MSI2: variants seen among roughly 807,000 people sequenced by gnomAD.
The protein encoded by MSI2 is RNA-binding protein Musashi homolog 2.
Under a neutral mutation model 45.6 loss-of-function variants are expected in MSI2, and 17 were observed. That is an observed-to-expected ratio of 0.37 (90% confidence interval 0.26 to 0.56). The LOEUF (loss-of-function observed/expected upper bound fraction) is 0.56. Ranked by LOEUF, MSI2 falls within the 20% of genes least tolerant of loss-of-function variation. The pLI, the probability that MSI2 is intolerant of heterozygous loss-of-function variation, is 0.77. For missense variants in MSI2, 293 were observed against 444.2 expected (o/e 0.66, Z 3.06); for synonymous variants, 156 against 158.2 (o/e 0.99, Z 0.11).
chr17:57,343,513 T>C (rs903913080), intron 5 of MSI2, among the ~76,000 whole-genome samples: 2 of 152,230 alleles, frequency 1.3e-5, no homozygotes, highest in Non-Finnish European at 1.5e-5. Context: ...ATTGTACGCA[T>C]TGTGACCCTC....
intron 5 of MSI2, among the ~76,000 whole-genome samples, chr17:57,400,912 G>A (rs1231401002): frequency 6.6e-6 from 1 of 152,178 alleles, no homozygotes; most frequent in African/African-American, 2.4e-5. Context: ...GTTGCTTGCA[G>A]ACGTATACCA....
chr17:57,537,489 A>G (rs1598378905), intron 7 of MSI2, among the ~76,000 whole-genome samples: 1 of 152,254 alleles, frequency 6.6e-6, no homozygotes, highest in African/African-American at 2.4e-5. Context: ...TGGTGCAAAC[A>G]TGACCTCGCA....
Position 57,529,609 on chromosome 17 carries a change from G to GT in MSI2, c.406-67_406-66insT, listed in dbSNP as rs2086779939. 7.0e-7 allele frequency: 1 copy of GT among 1,429,664 alleles called. No homozygotes were observed. The highest frequency in any genetic ancestry group is 9.8e-7 in the Non-Finnish European group (1 of 1,017,756). The allele number at this position is 1,429,664 out of a possible 1,614,324, so 88.6% of individuals were successfully genotyped here. ...AAACTACCCCCTCACCCCCCGACAT[G>GT]CATATAATGTTTTGTGTACTTTCTT... On this transcript the variant is annotated intron_variant, in intron 6 of 13. Transcript: ENST00000284073. The surrounding 1 kb of genome is among the most constrained non-coding windows in gnomAD (Gnocchi z 5.3).
At chr17:57,569,394 T>C (rs1386488603) in intron 7 of MSI2, among the ~76,000 whole-genome samples, 2 of 152,202 alleles carry the variant, frequency 1.3e-5, no homozygotes, top group African/African-American at 4.8e-5. Context: ...TGCGGGCAGC[T>C]GTCTTGCTGA....
At chr17:57,584,890 C>T (rs968935104) in intron 7 of MSI2, among the ~76,000 whole-genome samples, 14 of 151,692 alleles carry the variant, frequency 9.2e-5, no homozygotes, top group African/African-American at 1.7e-4. Flanking sequence ...GGCATGATCG[C>T]GGCTCACTGC....
intron 5 of MSI2, among the ~76,000 whole-genome samples, chr17:57,390,969 G>A (rs2083779911): frequency 6.6e-6 from 1 of 152,176 alleles, no homozygotes; most frequent in Non-Finnish European, 1.5e-5. Flanking sequence ...ATCGGGGGTG[G>A]CTATTTACTT....
At chr17:57,327,339 G>T (rs1419503263) in intron 5 of MSI2, among the ~76,000 whole-genome samples, 2 of 152,214 alleles carry the variant, frequency 1.3e-5, no homozygotes, top group African/African-American at 4.8e-5. Flanking sequence ...CTCATCTGAG[G>T]TCACACAGCC....
intron 6 of MSI2, among the ~76,000 whole-genome samples, chr17:57,507,225 C>CTCTGTGTATG (rs1297862205): frequency 3.9e-5 from 2 of 51,250 alleles, no homozygotes; most frequent in African/African-American, 8.5e-5. Context: ...CTTTGTCTCT[C>CTCTGTGTATG]TGTGTGTGTG....
At chr17:57,432,552 C>A (rs1411187475) in intron 6 of MSI2, 1 of 152,496 alleles carries the variant, frequency 6.6e-6, no homozygotes, top group Non-Finnish European at 1.5e-5. Flanking sequence ...GATGTTTATG[C>A]TCATGGCCTC....
At chr17:57,480,862 G>A (rs556131756) in intron 6 of MSI2, among the ~76,000 whole-genome samples, 1 of 152,260 alleles carries the variant, frequency 6.6e-6, no homozygotes, top group African/African-American at 2.4e-5. Context: ...TTGACAAGAA[G>A]GTGACTTTAG....
At chr17:57,469,033 C>T (rs991773757) in intron 6 of MSI2, among the ~76,000 whole-genome samples, 4 of 152,206 alleles carry the variant, frequency 2.6e-5, no homozygotes, top group African/African-American at 7.2e-5. Flanking sequence ...CCGATACCAG[C>T]TCTCACCTTC....
intron 5 of MSI2, among the ~76,000 whole-genome samples, chr17:57,300,185 C>G (rs982589795): frequency 1.3e-5 from 2 of 152,194 alleles, no homozygotes; most frequent in African/African-American, 4.8e-5. Flanking sequence ...TCATTCTCCT[C>G]TAAGGACCAA....
chr17:57,550,808 C>T (rs940304639), intron 7 of MSI2, among the ~76,000 whole-genome samples: 15 of 152,174 alleles, frequency 9.9e-5, no homozygotes, highest in Non-Finnish European at 1.6e-4. Context: ...AAGACCAACA[C>T]GCATAGGCAC....
At chr17:57,527,579 C>CAGCT (rs1245851267) in intron 6 of MSI2, among the ~76,000 whole-genome samples, 1 of 152,224 alleles carries the variant, frequency 6.6e-6, no homozygotes, top group Non-Finnish European at 1.5e-5. Flanking sequence ...AGAGAGGGGG[C>CAGCT]AGCTGCCTGC....
intron 7 of MSI2, among the ~76,000 whole-genome samples, chr17:57,534,997 G>C (rs769207979): frequency 2.6e-5 from 4 of 152,248 alleles, no homozygotes; most frequent in Non-Finnish European, 5.9e-5. Context: ...TTGATCCCAA[G>C]TGGGGCTGGA....
At chr17:57,644,036 C>T (rs543641954) in intron 10 of MSI2, among the ~76,000 whole-genome samples, 2 of 152,298 alleles carry the variant, frequency 1.3e-5, no homozygotes, top group Non-Finnish European at 2.9e-5. Flanking sequence ...ATTGCCCCCC[C>T]AGGCCATACA....
intron 7 of MSI2, among the ~76,000 whole-genome samples, chr17:57,590,193 C>T (rs1475444710): frequency 1.3e-5 from 2 of 152,100 alleles, no homozygotes; most frequent in Non-Finnish European, 2.9e-5. Context: ...TTGATTTTCA[C>T]TGAAGATGCA....
At chr17:57,422,765 G>C (rs1222745647) in intron 6 of MSI2, among the ~76,000 whole-genome samples, 1 of 152,232 alleles carries the variant, frequency 6.6e-6, no homozygotes, top group East Asian at 1.9e-4. Context: ...ATCATCACTT[G>C]ACATTTAAGC....
chr17:57,491,164 C>T (rs1454685158), intron 6 of MSI2, among the ~76,000 whole-genome samples: 1 of 152,228 alleles, frequency 6.6e-6, no homozygotes, highest in Non-Finnish European at 1.5e-5. Context: ...TCAGTTTATT[C>T]GGATTCTCCT....
Sources: gnomAD v4.1 joint callset for allele counts (sites outside exome capture counted in the v4.1 genomes callset) on GRCh38, gnomAD v4.1.1 for gene constraint, Gnocchi (gnomAD v3.1) non-coding constraint, MANE v1.5 for transcripts, NCBI Gene and HGNC (gene_info 2026-07-23, HGNC 2026-07-21) for gene names.